ZNF536: variants seen among roughly 807,000 people sequenced by gnomAD.
ZNF536 encodes zinc finger protein 536.
Under a neutral mutation model 84.5 loss-of-function variants are expected in ZNF536, and 13 were observed. The observed-to-expected ratio is 0.15, with a 90% CI of 0.10 to 0.24. The LOEUF is 0.24. Ranked by LOEUF, ZNF536 falls within the 10% of genes least tolerant of loss-of-function variation. The probability of loss-of-function intolerance (pLI) is 1.00; values close to 1 mark genes in which losing one functional copy is unlikely to be tolerated. For missense variants in ZNF536, 1,536 were observed against 1,747.5 expected, an observed-to-expected ratio of 0.88 and a Z score of 2.16; for synonymous variants, 811 against 742.5, an observed-to-expected ratio of 1.09 and a Z score of -1.50.
intron 3 of ZNF536, among the ~76,000 whole-genome samples, chr19:30,545,183 A>G (rs1232251233): frequency 6.6e-6 from 1 of 152,100 alleles, no homozygotes; most frequent in African/African-American, 2.4e-5. Context: ...CCCCCAAGGC[A>G]ATTCCAGGAT....
rs528798312 is a variant in ZNF536 at position 30,663,367 on chromosome 19, C to A, written c.170-47390C>A. ...TACAGTGGAGAAAACCTTTGAAACC[C>A]GAAACTCTGCAGGATATGGTATATG... is the stretch of plus-strand genomic sequence containing the variant. On this transcript the variant is annotated intron_variant, in intron 1 of 1. Coordinates refer to the ZNF536 transcript ENST00000592773. 2.0e-5 allele frequency among the ~76,000 whole-genome samples: 3 copies of A among 152,148 alleles called. No individual in the cohort carries two copies. The South Asian group carries it at 6.2e-4, about 32-fold the overall frequency.
At position 30,444,447 on chromosome 19, in the gene ZNF536, C is replaced by A; in HGVS notation, c.885C>A (p.Ile295=). Residue 295 remains isoleucine, a synonymous_variant, in exon 2 of 5, where the codon ATC becomes ATA. Coordinates refer to ENST00000355537, the MANE Select transcript of ZNF536 (RefSeq NM_014717.3). ...KREELDRHIR[I]LHKPYKCTLC... Reference sequence around the variant, plus strand: ...AGGAGCTGGACCGCCACATCCGCATCTTGCACAAGCCCTACAAGTGCACGT... The same window carrying A: ...AGGAGCTGGACCGCCACATCCGCATATTGCACAAGCCCTACAAGTGCACGT... 1 of 1,609,978 alleles carries A rather than the reference C, an allele frequency of 6.2e-7. No homozygotes were observed. Among genetic ancestry groups the A allele is most frequent in the Non-Finnish European group, 8.5e-7 (1 of 1,179,926 alleles).
At chr19:30,353,133 C>A (rs1281321299) in intron 3 of ZNF536, among the ~76,000 whole-genome samples, 1 of 152,164 alleles carries the variant, frequency 6.6e-6, no homozygotes, top group Non-Finnish European at 1.5e-5. Flanking sequence ...TCGATAAAAG[C>A]CTCTATCAAT....
chr19:30,685,831 T>G (rs960604839), intron 1 of ZNF536, among the ~76,000 whole-genome samples: 1 of 152,222 alleles, frequency 6.6e-6, no homozygotes, highest in African/African-American at 2.4e-5. Flanking sequence ...CCTGCCACGT[T>G]GCTGAGATCC....
chr19:30,368,549 A>C (rs1465212462), upstream of ZNF536, among the ~76,000 whole-genome samples: 1 of 152,372 alleles, frequency 6.6e-6, no homozygotes, highest in East Asian at 1.9e-4. Context: ...GTGGCTGTCC[A>C]TGGGGAATGT....
At position 30,426,469 on chromosome 19, in the gene ZNF536, T is replaced by C. The variant is rs111804286; in HGVS notation, c.-2-17092T>C. ...TTGGTCCTTATTCCATCTTTGTTCTTCTTGCTTGCTTTATCAGGAAAGTCT... is the reference window on the plus strand; with the variant it reads ...TTGGTCCTTATTCCATCTTTGTTCTCCTTGCTTGCTTTATCAGGAAAGTCT... On this transcript the variant is annotated intron_variant, in intron 1 of 4. Transcript: ENST00000355537. Among the ~76,000 whole-genome samples the C allele has an allele frequency of 1.8e-3, 280 of 152,338 alleles. 1 individual carries two copies. Among genetic ancestry groups the C allele is most frequent in the African/African-American group, 6.5e-3 (269 of 41,580 alleles).
At chr19:30,273,091 A>G in intron 1 of ZNF536, among the ~76,000 whole-genome samples, 2 of 152,244 alleles carry the variant, frequency 1.3e-5, no homozygotes, top group South Asian at 4.2e-4. Flanking sequence ...TTGTAGAGAC[A>G]GGGTCTCACT....
At chr19:30,575,962 G>A (rs528888951) in intron 1 of ZNF536, among the ~76,000 whole-genome samples, 33 of 152,240 alleles carry the variant, frequency 2.2e-4, no homozygotes, top group Non-Finnish European at 3.4e-4. Context: ...GCAGAGGCCA[G>A]CTTCATGGGG....
chr19:30,629,151 G>T (rs779406786), intron 1 of ZNF536, among the ~76,000 whole-genome samples: 5 of 152,164 alleles, frequency 3.3e-5, no homozygotes, highest in Non-Finnish European at 5.9e-5. Context: ...CTGAAGGCTT[G>T]CTCAGTGCCA....
chr19:30,540,920 C>T (rs1471235424), intron 3 of ZNF536, among the ~76,000 whole-genome samples: 1 of 152,232 alleles, frequency 6.6e-6, no homozygotes, highest in African/African-American at 2.4e-5. Context: ...GGCCCCAGGC[C>T]AGGCTTCCTT....
intron 1 of ZNF536, among the ~76,000 whole-genome samples, chr19:30,696,194 A>G (rs930806197): frequency 6.6e-6 from 1 of 152,126 alleles, no homozygotes; most frequent in African/African-American, 2.4e-5. Context: ...TTACCTTTGA[A>G]GCCGGTTTAA....
chr19:30,644,481 G>A (rs536933445), intron 1 of ZNF536, among the ~76,000 whole-genome samples: 24 of 151,976 alleles, frequency 1.6e-4, no homozygotes, highest in South Asian at 2.1e-4. Flanking sequence ...TCGTCATTTA[G>A]CATTAGGTAT....
At chr19:30,592,429 T>C (rs761898408) in intron 1 of ZNF536, among the ~76,000 whole-genome samples, 4 of 152,188 alleles carry the variant, frequency 2.6e-5, no homozygotes, top group Non-Finnish European at 4.4e-5. Context: ...GTCAGGCATG[T>C]GGGTGTCTGG....
intron 2 of ZNF536, among the ~76,000 whole-genome samples, chr19:30,472,984 G>A (rs1398265392): frequency 6.7e-6 from 1 of 150,026 alleles, no homozygotes; most frequent in South Asian, 2.1e-4. Flanking sequence ...CTGAGGTCAG[G>A]AGTTCGAGAC....
intron 2 of ZNF536, among the ~76,000 whole-genome samples, chr19:30,500,933 G>C (rs1248735324): frequency 6.6e-6 from 1 of 152,132 alleles, no homozygotes; most frequent in Admixed American, 6.5e-5. Context: ...TCTCTTCCAG[G>C]CTCCCTGTCA....
At chr19:30,308,051 T>A (rs1025832501) in intron 2 of ZNF536, among the ~76,000 whole-genome samples, 2 of 152,268 alleles carry the variant, frequency 1.3e-5, no homozygotes, top group African/African-American at 2.4e-5. Flanking sequence ...TTCATTATGC[T>A]AAGGCCTGTA....
chr19:30,532,232 C>A (rs531338530), intron 2 of ZNF536, among the ~76,000 whole-genome samples: 12 of 152,058 alleles, frequency 7.9e-5, no homozygotes, highest in Non-Finnish European at 1.3e-4. Flanking sequence ...CAGGCTCAAG[C>A]GATTCTCCTG....
chr19:30,378,683 T>G (rs1352419868), intron 1 of ZNF536, among the ~76,000 whole-genome samples: 1 of 152,206 alleles, frequency 6.6e-6, no homozygotes, highest in Non-Finnish European at 1.5e-5. Flanking sequence ...TCTTTCCATC[T>G]CCTGCATTGC....
chr19:30,659,820 G>A (rs763087289), intron 1 of ZNF536, among the ~76,000 whole-genome samples: 2 of 148,526 alleles, frequency 1.3e-5, no homozygotes, highest in Non-Finnish European at 2.9e-5. Flanking sequence ...TATTTGACAT[G>A]AGATTTGGGT....
Sources: gnomAD v4.1 joint callset for allele counts (sites outside exome capture counted in the v4.1 genomes callset) on GRCh38, gnomAD v4.1.1 for gene constraint, MANE v1.5 for transcripts, NCBI Gene and HGNC (gene_info 2026-07-23, HGNC 2026-07-21) for gene names.